PDE1A: variants seen among roughly 807,000 people sequenced by gnomAD.
PDE1A encodes the protein phosphodiesterase 1A.
A neutral mutation model predicts 61.7 loss-of-function variants in PDE1A; 35 were observed. The observed-to-expected ratio is 0.57, with a 90% CI of 0.43 to 0.75. The LOEUF (loss-of-function observed/expected upper bound fraction) is 0.75, where lower values mean the gene tolerates loss of function less well. PDE1A is among the 30% of genes least tolerant of loss of function. The probability of loss-of-function intolerance (pLI) is 0.00; values close to 1 mark genes in which losing one functional copy is unlikely to be tolerated. For synonymous variants in PDE1A, 232 were observed against 213.2 expected (o/e 1.09, Z -0.77); for missense variants, 597 against 630.6 (o/e 0.95, Z 0.57).
At chr2:182,190,265 CAG>C (rs1685579192) in intron 10 of PDE1A, among the ~76,000 whole-genome samples, 1 of 152,164 alleles carries the variant, frequency 6.6e-6, no homozygotes, top group South Asian at 2.1e-4. Context: ...TGTCATAACT[CAG>C]AGAAAACAAG....
intron 2 of PDE1A, among the ~76,000 whole-genome samples, chr2:182,451,964 C>G (rs1685552085): frequency 6.6e-6 from 1 of 152,036 alleles, no homozygotes; most frequent in African/African-American, 2.4e-5. Context: ...AGCAAAAAGA[C>G]AGACACATTT....
At chr2:182,629,892 CT>C in the PDE1A span, among the ~76,000 whole-genome samples, 2 of 152,152 alleles carry the variant, frequency 1.3e-5, no homozygotes, top group African/African-American at 4.8e-5. Flanking sequence ...CCTATCCATT[CT>C]TTGGCAGAAA....
At chr2:182,462,774 A>T (rs1422931001) in intron 2 of PDE1A, among the ~76,000 whole-genome samples, 2 of 152,200 alleles carry the variant, frequency 1.3e-5, no homozygotes, top group African/African-American at 4.8e-5. Flanking sequence ...TTTTTTAAAA[A>T]TTCAGAATAA....
At chr2:182,444,441 T>A (rs968803492) in intron 2 of PDE1A, among the ~76,000 whole-genome samples, 4 of 152,142 alleles carry the variant, frequency 2.6e-5, no homozygotes, top group African/African-American at 9.6e-5. Flanking sequence ...AACTTTCCTG[T>A]CTCATTTTGT....
the PDE1A span, among the ~76,000 whole-genome samples, chr2:182,590,167 G>A: frequency 8.1e-4 from 123 of 152,286 alleles, no homozygotes; most frequent in African/African-American, 2.8e-3. Flanking sequence ...AGAGGAGACT[G>A]AAATGTGTAT....
Position 182,202,359 on chromosome 2 carries a change from A to G in PDE1A, c.903-570T>C, listed in dbSNP as rs578151048. On this transcript the variant is annotated intron_variant, in intron 8 of 13. Coordinates refer to ENST00000351439, the Ensembl canonical transcript of PDE1A. ...ACTATTAATAAAACCAGTGCTATTC[A>G]TTCAGTATTTATTCAGCAAGGCACT... is the stretch of plus-strand genomic sequence containing the variant. Among the ~76,000 whole-genome samples the G allele has an allele frequency of 3.3e-5, 5 of 152,336 alleles. No individual in the cohort carries two copies. In the South Asian group the frequency reaches 1.0e-3, roughly 32 times the overall value.
At chr2:182,359,203 C>T (rs1367329630) in intron 1 of PDE1A, among the ~76,000 whole-genome samples, 1 of 152,152 alleles carries the variant, frequency 6.6e-6, no homozygotes, top group African/African-American at 2.4e-5. Context: ...TTTACATAAA[C>T]AGTTCTGCTT....
At chr2:182,381,515 T>A (rs1328112771) in intron 1 of PDE1A, among the ~76,000 whole-genome samples, 1 of 152,136 alleles carries the variant, frequency 6.6e-6, no homozygotes, top group East Asian at 1.9e-4. Flanking sequence ...TACAAGTTGC[T>A]TATAAACGTT....
intron 2 of PDE1A, among the ~76,000 whole-genome samples, chr2:182,446,937 AT>A (rs1685176906): frequency 6.9e-6 from 1 of 145,156 alleles, no homozygotes; most frequent in Non-Finnish European, 1.6e-5. Context: ...TTTAAGTGAG[AT>A]AATATATATA....
intron 13 of PDE1A, among the ~76,000 whole-genome samples, chr2:182,161,501 G>A (rs1017442965): frequency 2.6e-5 from 4 of 152,040 alleles, no homozygotes; most frequent in Non-Finnish European, 5.9e-5. Context: ...ACCCACAATG[G>A]TATCTCTTTT....
At chr2:182,324,339 T>C (rs577731312) in intron 1 of PDE1A, among the ~76,000 whole-genome samples, 2 of 152,018 alleles carry the variant, frequency 1.3e-5, no homozygotes, top group South Asian at 4.2e-4. Flanking sequence ...GGAACTTGCA[T>C]ACAAGATAAT....
At chr2:182,302,510 ATCT>A (rs1283140931) in intron 1 of PDE1A, among the ~76,000 whole-genome samples, 1 of 152,218 alleles carries the variant, frequency 6.6e-6, no homozygotes, top group African/African-American at 2.4e-5. Context: ...AATGCTAACA[ATCT>A]TCTGAGCCTT....
chr2:182,604,252 T>C, the PDE1A span, among the ~76,000 whole-genome samples: 1 of 152,208 alleles, frequency 6.6e-6, no homozygotes, highest in Non-Finnish European at 1.5e-5. Flanking sequence ...TCCATTTACA[T>C]AGAGCAGTGC....
the PDE1A span, among the ~76,000 whole-genome samples, chr2:182,641,783 A>G: frequency 6.6e-6 from 1 of 152,224 alleles, no homozygotes; most frequent in African/African-American, 2.4e-5. Flanking sequence ...ATTCTTAGGC[A>G]GGATAATCAT....
intron 2 of PDE1A, among the ~76,000 whole-genome samples, chr2:182,480,339 C>T (rs752952717): frequency 4.0e-5 from 6 of 151,830 alleles, no homozygotes; most frequent in East Asian, 1.9e-4. Context: ...TGGAAGCAAT[C>T]GCATCATATA....
At chr2:182,646,457 C>T in the PDE1A span, among the ~76,000 whole-genome samples, 7 of 149,262 alleles carry the variant, frequency 4.7e-5, no homozygotes, top group African/African-American at 9.9e-5. Context: ...TGGGAGGCCA[C>T]GGCGGGCAGA....
At chr2:182,189,189 T>A in intron 10 of PDE1A, 129 bp from the exon 11 acceptor site, 1 of 553,644 alleles carries the variant, frequency 1.8e-6, no homozygotes, top group Non-Finnish European at 3.2e-6. Context: ...TTCTTATTTA[T>A]AAAACCAAAA....
the PDE1A span, among the ~76,000 whole-genome samples, chr2:182,565,545 T>C: frequency 6.6e-6 from 1 of 152,158 alleles, no homozygotes; most frequent in Non-Finnish European, 1.5e-5. Flanking sequence ...CGTTCTTGAC[T>C]GGTGATGTGT....
rs193178949 is a variant in PDE1A, at chr2:182,275,541, G to A, written c.54-11127C>T. ...TTGCAAATAAGGCAGAAAGGTAGGT[G>A]GCATGTTGTTTCTGTCACATAAAGG... On this transcript the variant is annotated intron_variant, in intron 1 of 13. Coordinates refer to ENST00000351439, the Ensembl canonical transcript of PDE1A. Among the ~76,000 whole-genome samples, 673 of 152,178 alleles carry A rather than the reference G, an allele frequency of 4.4e-3. 13 individuals carry two copies. Among genetic ancestry groups the A allele is most frequent in the Non-Finnish European group, 1.3e-3 (91 of 67,990 alleles).
Sources: gnomAD v4.1 joint callset for allele counts (sites outside exome capture counted in the v4.1 genomes callset) on GRCh38, gnomAD v4.1.1 for gene constraint, MANE v1.5 for transcripts, NCBI Gene and HGNC (gene_info 2026-07-23, HGNC 2026-07-21) for gene names.